NOVA1: variants seen among roughly 807,000 people sequenced by gnomAD.
The protein encoded by NOVA1 is NOVA alternative splicing regulator 1.
A neutral mutation model predicts 38.0 loss-of-function variants in NOVA1; 7 were observed. The ratio of observed to expected loss-of-function variants is 0.18; its 90% CI spans 0.10 to 0.35. NOVA1 has a LOEUF of 0.35. Among genes scored for constraint, NOVA1 ranks in the 10% least tolerant of loss-of-function variants. The pLI is 1.00. For missense variants in NOVA1, 460 were observed against 616.0 expected, an observed-to-expected ratio of 0.75 and a Z score of 2.68; for synonymous variants, 270 against 232.5, an observed-to-expected ratio of 1.16 and a Z score of -1.47.
At chr14:26,591,589 T>C (rs549245754) in intron 2 of NOVA1, among the ~76,000 whole-genome samples, 60 of 151,826 alleles carry the variant, frequency 4.0e-4, no homozygotes, top group African/African-American at 1.3e-3. Context: ...AATATCATAA[T>C]ACTCTTCCTT....
intron 2 of NOVA1, among the ~76,000 whole-genome samples, chr14:26,557,570 G>A (rs533158577): frequency 2.0e-5 from 3 of 146,936 alleles, no homozygotes; most frequent in East Asian, 2.0e-4. Context: ...ACGGGGTTTC[G>A]CCATGATGCC....
intron 2 of NOVA1, chr14:26,549,714 C>T (rs1333570285): frequency 3.1e-6 from 4 of 1,287,928 alleles, no homozygotes; most frequent in Non-Finnish European, 4.1e-6. Context: ...TTTCACTCTG[C>T]AGATGGCACA....
chr14:26,480,152 A>G lies in NOVA1; in HGVS notation c.281-9T>C, dbSNP rs949836191. On this transcript the variant is annotated splice_polypyrimidine_tract_variant and intron_variant, in intron 2 of 4. Transcript: ENST00000539517. Reference sequence around the variant, plus strand: ...CACTCGCTCAGTAGTACCTGTGGATAAAACATTGATTTTCAGAAAATATTC... The same window carrying G: ...CACTCGCTCAGTAGTACCTGTGGATGAAACATTGATTTTCAGAAAATATTC... 6.3e-7 allele frequency: 1 copy of G among 1,590,412 alleles called. No homozygotes were observed. Among genetic ancestry groups the G allele is most frequent in the South Asian group, 1.1e-5 (1 of 88,026 alleles).
At chr14:26,557,330 G>A (rs892157520) in intron 2 of NOVA1, among the ~76,000 whole-genome samples, 5 of 152,076 alleles carry the variant, frequency 3.3e-5, no homozygotes, top group Admixed American at 2.6e-4. Flanking sequence ...GGGAGGTTGC[G>A]GAACAACAGA....
intron 2 of NOVA1, among the ~76,000 whole-genome samples, chr14:26,497,274 C>CTA (rs1886889084): frequency 6.6e-6 from 1 of 152,076 alleles, no homozygotes; most frequent in African/African-American, 2.4e-5. Context: ...GAACTACAAA[C>CTA]CACTGCTCAA....
chr14:26,507,958 C>G (rs988825057), intron 2 of NOVA1, among the ~76,000 whole-genome samples: 9 of 151,684 alleles, frequency 5.9e-5, no homozygotes, highest in African/African-American at 2.2e-4. Context: ...TAAACAAGAC[C>G]ATAAGAGTTA....
chr14:26,448,681 T>A lies in NOVA1; in HGVS notation c.802A>T (p.Thr268Ser). The change falls in exon 5 of 5, where the codon ACC becomes TCC. Residue 268 changes from threonine (T) to serine (S), a missense_variant. By Grantham distance (58) the Thr-to-Ser change is moderately conservative. Coordinates refer to ENST00000539517, the MANE Select transcript of NOVA1 (RefSeq NM_002515.3). The surrounding 1 kb of genome is among the most constrained non-coding windows in gnomAD (Gnocchi z 5.3). ...VTGPVANSNP[T>S]GSPYANTAEV... Reference sequence around the variant, plus strand: ...GCAGTGTTTGCATAAGGAGATCCGGTTGGATTGGAATTTGCCACTGGACCT... The same window carrying A: ...GCAGTGTTTGCATAAGGAGATCCGGATGGATTGGAATTTGCCACTGGACCT... The A allele has an allele frequency of 6.2e-7, 1 of 1,614,158 alleles. No homozygotes were observed. Among genetic ancestry groups the A allele is most frequent in the Non-Finnish European group, 8.5e-7 (1 of 1,180,012 alleles).
intron 2 of NOVA1, among the ~76,000 whole-genome samples, chr14:26,558,953 TC>T (rs1891653771): frequency 6.6e-6 from 1 of 152,002 alleles, no homozygotes; most frequent in Non-Finnish European, 1.5e-5. Context: ...AAGGATAATT[TC>T]CCCTCCTTGC....
chr14:26,513,390 A>G (rs1486691810), intron 2 of NOVA1, among the ~76,000 whole-genome samples: 3 of 151,890 alleles, frequency 2.0e-5, no homozygotes, highest in African/African-American at 7.2e-5. Context: ...ATTACATGCA[A>G]TGCTTTGAAA....
At chr14:26,502,588 CAACAT>C (rs745995872) in intron 2 of NOVA1, among the ~76,000 whole-genome samples, 22 of 144,710 alleles carry the variant, frequency 1.5e-4, no homozygotes, top group Non-Finnish European at 3.0e-4. Flanking sequence ...AACTGAGTTT[CAACAT>C]AACATGTTTC....
chr14:26,496,692 A>G (rs1338159444), intron 2 of NOVA1, among the ~76,000 whole-genome samples: 1 of 152,224 alleles, frequency 6.6e-6, no homozygotes, highest in African/African-American at 2.4e-5. Flanking sequence ...GATGGGATCC[A>G]GTTTCAGCTT....
intron 4 of NOVA1, among the ~76,000 whole-genome samples, chr14:26,453,451 AAAGAT>A (rs1231659833): frequency 3.0e-4 from 46 of 152,206 alleles, no homozygotes; most frequent in Non-Finnish European, 5.7e-4. Context: ...TTATCCAAAA[AAAGAT>A]AAGATTAACA....
chr14:26,453,191 TG>T (rs758414047), intron 4 of NOVA1, among the ~76,000 whole-genome samples: 5,099 of 77,354 alleles, frequency 0.066, 117 homozygotes, highest in South Asian at 0.2. Flanking sequence ...TATGTATGTA[TG>T]TATGTATGTA....
At chr14:26,597,145 G>C in intron 1 of NOVA1, 156 bp downstream of exon 1, 11 of 1,218,826 alleles carry the variant, frequency 9.0e-6, no homozygotes, top group Non-Finnish European at 1.0e-5. Flanking sequence ...CAGGGGAGGG[G>C]GCGCGGGGCA....
chr14:26,543,964 T>C (rs760830582), intron 2 of NOVA1, among the ~76,000 whole-genome samples: 2 of 151,908 alleles, frequency 1.3e-5, no homozygotes, highest in Non-Finnish European at 1.5e-5. Flanking sequence ...AGTAGCACCG[T>C]GATGCACTCA....
intron 2 of NOVA1, among the ~76,000 whole-genome samples, chr14:26,523,647 C>T (rs1194123358): frequency 6.6e-6 from 1 of 151,422 alleles, no homozygotes; most frequent in African/African-American, 2.4e-5. Context: ...TATACTAATA[C>T]ATTTTTATTT....
At chr14:26,550,379 A>G (rs757317964) in intron 2 of NOVA1, among the ~76,000 whole-genome samples, 18 of 152,194 alleles carry the variant, frequency 1.2e-4, no homozygotes, top group Non-Finnish European at 2.6e-4. Context: ...GTCCTCAACA[A>G]CTACTGATGT....
chr14:26,566,715 T>A (rs1024366293), intron 2 of NOVA1, among the ~76,000 whole-genome samples: 2 of 152,182 alleles, frequency 1.3e-5, no homozygotes, highest in Admixed American at 6.5e-5. Context: ...CACCATAATC[T>A]TCTTTCTCAC....
intron 2 of NOVA1, among the ~76,000 whole-genome samples, chr14:26,565,989 G>A (rs1433928586): frequency 6.6e-6 from 1 of 152,066 alleles, no homozygotes; most frequent in African/African-American, 2.4e-5. Flanking sequence ...TTGAAAGATA[G>A]GCAGGAGTAT....
Sources: gnomAD v4.1 joint callset for allele counts (sites outside exome capture counted in the v4.1 genomes callset) on GRCh38, gnomAD v4.1.1 for gene constraint, Gnocchi (gnomAD v3.1) non-coding constraint, MANE v1.5 for transcripts, NCBI Gene and HGNC (gene_info 2026-07-23, HGNC 2026-07-21) for gene names.